Variants in DEPTOR observed in about 807,000 individuals in gnomAD.
DEPTOR encodes DEP domain containing MTOR interacting protein, also known as DEP domain-containing mTOR-interacting protein.
Under a neutral mutation model 41.6 loss-of-function variants are expected in DEPTOR, and 41 were observed. The ratio of observed to expected loss-of-function variants is 0.98; its 90% CI spans 0.77 to 1.28. The LOEUF is 1.28. Among genes scored for constraint, DEPTOR ranks in the 50% most tolerant of loss-of-function variants. The probability of loss-of-function intolerance (pLI) is 0.00; values close to 1 mark genes in which losing one functional copy is unlikely to be tolerated. For missense variants in DEPTOR, 514 were observed against 527.9 expected, an observed-to-expected ratio of 0.97 and a Z score of 0.26; for synonymous variants, 195 against 192.3, an observed-to-expected ratio of 1.01 and a Z score of -0.12.
At chr8:119,995,543 GCCACTGCACTCCAGCCTGGGT>G (rs1355085766) in intron 4 of DEPTOR, among the ~76,000 whole-genome samples, 1 of 149,898 alleles carries the variant, frequency 6.7e-6, no homozygotes, top group Non-Finnish European at 1.5e-5. Context: ...CCAAGATCAC[GCCACTGCACTCCAGCCTGGGT>G]GACAGAGCAA....
At chr8:119,954,778 A>G (rs566471408) in intron 3 of DEPTOR, among the ~76,000 whole-genome samples, 243 of 152,280 alleles carry the variant, frequency 1.6e-3, no homozygotes, top group African/African-American at 5.6e-3. Flanking sequence ...ATATAGATCC[A>G]GGAAAGGTGG....
At chr8:119,874,160 C>A (rs1300831026) in intron 1 of DEPTOR, 192 bp downstream of exon 1, 2 of 885,444 alleles carry the variant, frequency 2.3e-6, no homozygotes, top group South Asian at 3.8e-5. Context: ...AGGACTCGCT[C>A]GCCAAGCGGG....
intron 8 of DEPTOR, among the ~76,000 whole-genome samples, chr8:120,027,952 GA>G (rs1178370682): frequency 6.7e-6 from 1 of 150,298 alleles, no homozygotes; most frequent in African/African-American, 2.5e-5. Context: ...GCACGGTTTG[GA>G]AACTCCCAGG....
chr8:119,998,986 G>A lies in DEPTOR; in HGVS notation c.605-2539G>A, dbSNP rs561496177. The stretch of plus-strand genomic sequence containing the variant: ...AGAAGAAGAAGAAATAAAATAGGCC[G>A]GGCACGGAGGCTCGTGTCTGTAATC... On this transcript the variant is annotated intron_variant, in intron 4 of 8. Coordinates refer to ENST00000286234, the MANE Select transcript of DEPTOR (RefSeq NM_022783.4). Among the ~76,000 whole-genome samples the A allele has an allele frequency of 6.7e-4, 101 of 151,364 alleles. 1 individual carries two copies. The highest frequency in any genetic ancestry group is 1.2e-3 in the Non-Finnish European group (81 of 67,846).
At position 119,928,463 on chromosome 8, in the gene DEPTOR, C is replaced by T. The variant is rs1041618560; in HGVS notation, c.186C>T (p.Asn62=). ...DRRHHLKTYP[N]CFVAKELIDW... ...GTCATCATCTCAAGACCTACCCAAA[C>T]TGTTTTGTCGCAAAAGAACTGATTG... The change falls in exon 2 of 9, where the codon AAC becomes AAT. Residue 62 remains asparagine (N), a synonymous_variant. Transcript: ENST00000286234. The T allele has an allele frequency of 1.2e-6, 2 of 1,614,058 alleles. No individual in the cohort carries two copies. Among genetic ancestry groups the T allele is most frequent in the African/African-American group, 2.7e-5 (2 of 74,930 alleles).
At chr8:120,001,755 G>T (rs759424075) in intron 5 of DEPTOR, 45 bp downstream of exon 5, 6 of 1,569,060 alleles carry the variant, frequency 3.8e-6, no homozygotes, top group South Asian at 3.6e-5. Flanking sequence ...TTTGTCTTTT[G>T]AGAAATAGTG....
intron 4 of DEPTOR, among the ~76,000 whole-genome samples, chr8:119,994,344 A>G (rs908276591): frequency 7.2e-5 from 11 of 152,170 alleles, no homozygotes; most frequent in African/African-American, 2.2e-4. Flanking sequence ...TCCCTCTGGA[A>G]TACAAACTCT....
chr8:119,996,989 C>T (rs1812271320), intron 4 of DEPTOR, among the ~76,000 whole-genome samples: 1 of 152,148 alleles, frequency 6.6e-6, no homozygotes, highest in Non-Finnish European at 1.5e-5. Context: ...TGACTATCCA[C>T]AAGAGAGCCA....
intron 1 of DEPTOR, among the ~76,000 whole-genome samples, chr8:119,921,097 C>T (rs1215174586): frequency 5.3e-5 from 8 of 152,178 alleles, no homozygotes; most frequent in African/African-American, 9.6e-5. Context: ...CCGCCTCAGC[C>T]GGCATAGTAG....
intron 1 of DEPTOR, among the ~76,000 whole-genome samples, chr8:119,907,311 A>T (rs1827676163): frequency 1.3e-5 from 2 of 152,204 alleles, no homozygotes; most frequent in South Asian, 4.1e-4. Flanking sequence ...TTTCTTCACA[A>T]AATTTCAAAG....
At chr8:119,912,642 A>T (rs1352755451) in intron 1 of DEPTOR, among the ~76,000 whole-genome samples, 1 of 152,240 alleles carries the variant, frequency 6.6e-6, no homozygotes, top group African/African-American at 2.4e-5. Flanking sequence ...CTGTCCTGTG[A>T]ACTGAAAATA....
chr8:119,944,009 T>C (rs906302674), intron 3 of DEPTOR, among the ~76,000 whole-genome samples: 11 of 151,988 alleles, frequency 7.2e-5, no homozygotes, highest in Non-Finnish European at 1.5e-4. Context: ...GGATAATTTT[T>C]TGTATTTTTT....
At chr8:119,978,680 G>A (rs73705862) in intron 4 of DEPTOR, among the ~76,000 whole-genome samples, 180 of 152,192 alleles carry the variant, frequency 1.2e-3, no homozygotes, top group African/African-American at 4.2e-3. Flanking sequence ...GGGGGTTTGG[G>A]CTGGGATTCC....
intron 1 of DEPTOR, among the ~76,000 whole-genome samples, chr8:119,893,938 A>G (rs567223459): frequency 3.3e-4 from 51 of 152,318 alleles, no homozygotes; most frequent in Admixed American, 7.8e-4. Context: ...TTCTAAATAG[A>G]CAGGTGTTGA....
At chr8:120,019,120 C>A (rs1812657409) in intron 8 of DEPTOR, among the ~76,000 whole-genome samples, 1 of 152,166 alleles carries the variant, frequency 6.6e-6, no homozygotes, top group Middle Eastern at 3.4e-3. Context: ...GCCTGGCCAA[C>A]ATGGCGAAAC....
At chr8:119,892,180 G>A (rs1255176597) in intron 1 of DEPTOR, among the ~76,000 whole-genome samples, 8 of 152,106 alleles carry the variant, frequency 5.3e-5, no homozygotes, top group Admixed American at 4.6e-4. Context: ...TGTATTTTCA[G>A]TAGAGACGGG....
At chr8:119,906,021 G>A (rs972326423) in intron 1 of DEPTOR, among the ~76,000 whole-genome samples, 6 of 152,036 alleles carry the variant, frequency 3.9e-5, no homozygotes, top group Admixed American at 6.6e-5. Flanking sequence ...TCTCGAACTC[G>A]GGCTCAAGCA....
chr8:120,009,064 G>T lies in DEPTOR; in HGVS notation c.1032G>T (p.Val344=). 1 of 1,614,076 alleles carries T rather than the reference G, an allele frequency of 6.2e-7. No homozygotes were observed. The highest frequency in any genetic ancestry group is 2.2e-5 in the East Asian group (1 of 44,870). ...ACGCGGTTGGCTGGGGTTTTGTGGT[G>T]CGAGGAAGTAAGCCATGCCACATCC... ...VGDAVGWGFV[V]RGSKPCHIQA... Residue 344 remains valine, a synonymous_variant, in exon 8 of 9, where the codon GTG becomes GTT. Coordinates refer to ENST00000286234, the MANE Select transcript of DEPTOR (RefSeq NM_022783.4).
chr8:119,928,024 G>A (rs983882158), intron 1 of DEPTOR, among the ~76,000 whole-genome samples: 1 of 152,148 alleles, frequency 6.6e-6, no homozygotes, highest in Non-Finnish European at 1.5e-5. Context: ...GATAAAGAGG[G>A]TGCACTTTGT....
Sources: gnomAD v4.1 joint callset for allele counts (sites outside exome capture counted in the v4.1 genomes callset) on GRCh38, gnomAD v4.1.1 for gene constraint, MANE v1.5 for transcripts, NCBI Gene and HGNC (gene_info 2026-07-23, HGNC 2026-07-21) for gene names.